Variants in DENND6A observed in about 807,000 individuals in gnomAD.
DENND6A encodes DENN domain containing 6A.
In DENND6A, 43 loss-of-function variants were observed where a neutral mutation model predicts 95.5. The observed-to-expected ratio is 0.45, with a 90% CI of 0.35 to 0.58. The LOEUF is 0.58. Ranked by LOEUF, DENND6A falls within the 20% of genes least tolerant of loss-of-function variation. The pLI is 0.00. For missense variants in DENND6A, 574 were observed against 736.0 expected, an observed-to-expected ratio of 0.78 and a Z score of 2.55; for synonymous variants, 257 against 260.4, an observed-to-expected ratio of 0.99 and a Z score of 0.13.
At chr3:57,683,232 G>A (rs539809269) in intron 1 of DENND6A, among the ~76,000 whole-genome samples, 2 of 152,146 alleles carry the variant, frequency 1.3e-5, no homozygotes, top group Non-Finnish European at 2.9e-5. Flanking sequence ...AATACAGATA[G>A]AATTCAAATA....
intron 1 of DENND6A, among the ~76,000 whole-genome samples, chr3:57,688,618 T>G: frequency 6.6e-6 from 1 of 151,660 alleles, no homozygotes; most frequent in East Asian, 2.0e-4. Context: ...GAGCAGAAAC[T>G]GAGGCCACTG....
chr3:57,688,169 T>C (rs2077228329), intron 1 of DENND6A, among the ~76,000 whole-genome samples: 1 of 151,886 alleles, frequency 6.6e-6, no homozygotes, highest in Admixed American at 6.6e-5. Flanking sequence ...TATTTTTGTA[T>C]TTTTTTATTA....
At chr3:57,641,433 A>T (rs895944008) in intron 12 of DENND6A, among the ~76,000 whole-genome samples, 1 of 148,580 alleles carries the variant, frequency 6.7e-6, no homozygotes, top group South Asian at 2.1e-4. Flanking sequence ...TTCTATAATA[A>T]TATAACACTA....
chr3:57,661,418 C>A, intron 6 of DENND6A, 28 bp downstream of exon 6: 1 of 1,465,176 alleles, frequency 6.8e-7, no homozygotes, highest in South Asian at 1.4e-5. Flanking sequence ...TTTTAAAACT[C>A]CTGCATAAAG....
At chr3:57,630,239 T>C (rs915893579) in intron 18 of DENND6A, 182 bp downstream of exon 18, 1 of 500,578 alleles carries the variant, frequency 2.0e-6, no homozygotes, top group Admixed American at 4.6e-5. Context: ...TTGTAAAGAT[T>C]AAAAGAGATT....
intron 4 of DENND6A, among the ~76,000 whole-genome samples, chr3:57,664,748 G>A (rs377523074): frequency 4.6e-5 from 7 of 152,096 alleles, no homozygotes; most frequent in Admixed American, 3.3e-4. Flanking sequence ...CAGGAGAATC[G>A]CTTGAACCCA....
intron 14 of DENND6A, among the ~76,000 whole-genome samples, 183 bp from the exon 15 acceptor site, chr3:57,633,537 C>T (rs1369204020): frequency 2.0e-5 from 3 of 151,958 alleles, no homozygotes; most frequent in African/African-American, 7.3e-5. Context: ...TAATCTTTAC[C>T]GGAGCAAAAC....
In DENND6A at chr3:57,647,252, A is replaced by G. The variant is rs117739216; in HGVS notation, c.819-814T>C. ...TATGAGATGGAAATTAGGGGAGTTA[A>G]TTTTAACTATTCAAAAACAAGATAA... On this transcript the variant is annotated intron_variant, in intron 9 of 19. Coordinates refer to ENST00000311128, the MANE Select transcript of DENND6A (RefSeq NM_152678.3). Among the ~76,000 whole-genome samples, 29 of 152,328 alleles carry G rather than the reference A, an allele frequency of 1.9e-4. 1 individual carries two copies. The East Asian group carries it at 5.4e-3, about 28-fold the overall frequency.
At chr3:57,662,441 A>C (rs1217119398) in intron 5 of DENND6A, among the ~76,000 whole-genome samples, 2 of 151,906 alleles carry the variant, frequency 1.3e-5, no homozygotes, top group Non-Finnish European at 2.9e-5. Context: ...AGACTTAAGC[A>C]ATCTGCCCAC....
intron 12 of DENND6A, among the ~76,000 whole-genome samples, chr3:57,640,948 C>G (rs1442421624): frequency 6.6e-6 from 1 of 151,880 alleles, no homozygotes; most frequent in Non-Finnish European, 1.5e-5. Context: ...TACTGTATGT[C>G]TTTTCCATAT....
At chr3:57,663,509 C>CACA in intron 5 of DENND6A, 127 bp downstream of exon 5, 1 of 289,734 alleles carries the variant, frequency 3.5e-6, no homozygotes, top group Non-Finnish European at 6.5e-6. Context: ...CACACACACA[C>CACA]ACACATATAT....
intron 1 of DENND6A, among the ~76,000 whole-genome samples, chr3:57,685,751 G>C (rs1311363262): frequency 2.0e-5 from 3 of 150,784 alleles, no homozygotes; most frequent in Admixed American, 1.3e-4. Context: ...AAAAAAATTT[G>C]TTTTTCTTTA....
intron 1 of DENND6A, among the ~76,000 whole-genome samples, chr3:57,676,980 T>C (rs1296491939): frequency 3.9e-5 from 6 of 152,148 alleles, no homozygotes; most frequent in African/African-American, 1.4e-4. Context: ...TGCACCACCA[T>C]GCCCAGTTAA....
intron 1 of DENND6A, among the ~76,000 whole-genome samples, chr3:57,677,769 T>C (rs567119762): frequency 6.6e-6 from 1 of 152,258 alleles, no homozygotes; most frequent in Admixed American, 6.5e-5. Context: ...TGGTTGCTTT[T>C]TTTCCTTGAT....
intron 1 of DENND6A, among the ~76,000 whole-genome samples, chr3:57,692,368 T>TA (rs2077275383): frequency 6.6e-6 from 1 of 152,132 alleles, no homozygotes; most frequent in Admixed American, 6.6e-5. Flanking sequence ...ATCTGAGCCT[T>TA]AAAACTTGGT....
Position 57,682,673 on chromosome 3 carries a change from T to TTTTTG in DENND6A, c.237+10104_237+10108dup, listed in dbSNP as rs578188724. ...CTCTGGACCACTGACTATATGGTTT[T>TTTTTG]TTTTGTTTTGTTTTGTTTTTGAGAT... On this transcript the variant is annotated intron_variant, in intron 1 of 19. Transcript: ENST00000311128. 4.2e-3 allele frequency among the ~76,000 whole-genome samples: 632 copies of TTTTTG among 152,144 alleles called. 2 individuals are homozygous for TTTTTG. The highest frequency in any genetic ancestry group is 6.1e-3 in the Non-Finnish European group (412 of 68,008).
At chr3:57,634,187 C>A (rs1216649163) in intron 14 of DENND6A, among the ~76,000 whole-genome samples, 1 of 152,188 alleles carries the variant, frequency 6.6e-6, no homozygotes, top group Middle Eastern at 3.4e-3. Context: ...AATCCCAGGA[C>A]TTTGGGAGAC....
chr3:57,637,225 G>C (rs1375642260), intron 12 of DENND6A, among the ~76,000 whole-genome samples: 1 of 152,182 alleles, frequency 6.6e-6, no homozygotes, highest in Non-Finnish European at 1.5e-5. Context: ...GTATGCACCA[G>C]AACCAGCTGG....
intron 12 of DENND6A, among the ~76,000 whole-genome samples, chr3:57,637,133 A>G (rs1200566543): frequency 6.6e-6 from 1 of 152,168 alleles, no homozygotes; most frequent in Non-Finnish European, 1.5e-5. Flanking sequence ...ATCACATTTA[A>G]TCTTCACAAT....
Sources: allele counts gnomAD v4.1 joint callset (sites outside exome capture counted in the v4.1 genomes callset), GRCh38; gene constraint gnomAD v4.1.1; transcripts MANE v1.5; gene names NCBI Gene and HGNC (gene_info 2026-07-23, HGNC 2026-07-21).